CPQ: variants seen among roughly 807,000 people sequenced by gnomAD.
The protein encoded by CPQ is carboxypeptidase Q, also known as Ser-Met dipeptidase.
CPQ carries 37 observed loss-of-function variants against 45.7 expected under a neutral mutation model. The observed-to-expected ratio is 0.81, with a 90% CI of 0.62 to 1.07. The LOEUF (loss-of-function observed/expected upper bound fraction) is 1.07, where lower values mean the gene tolerates loss of function less well. CPQ is among the 50% of genes least tolerant of loss of function. The probability of loss-of-function intolerance (pLI) is 0.00; values close to 1 mark genes in which losing one functional copy is unlikely to be tolerated. For synonymous variants in CPQ, 186 were observed against 205.8 expected, an observed-to-expected ratio of 0.90 and a Z score of 0.82; for missense variants, 537 against 572.9, an observed-to-expected ratio of 0.94 and a Z score of 0.64.
At chr8:96,647,729 G>T (rs1815533749) in intron 1 of CPQ, among the ~76,000 whole-genome samples, 2 of 152,154 alleles carry the variant, frequency 1.3e-5, no homozygotes, top group African/African-American at 4.8e-5. Flanking sequence ...TAGGGGAGTT[G>T]GTTGTTTTAT....
At chr8:97,030,332 G>A (rs1032040792) in intron 6 of CPQ, among the ~76,000 whole-genome samples, 10 of 152,094 alleles carry the variant, frequency 6.6e-5, no homozygotes, top group Non-Finnish European at 1.3e-4. Context: ...AATCGGAGAA[G>A]GGTTTCTTTT....
intron 2 of CPQ, among the ~76,000 whole-genome samples, chr8:96,817,425 T>A (rs1216557523): frequency 6.6e-6 from 1 of 152,164 alleles, no homozygotes; most frequent in Non-Finnish European, 1.5e-5. Flanking sequence ...ACTTTTCTTT[T>A]GTAGCTTCCT....
chr8:96,949,939 T>C (rs1485879411), intron 4 of CPQ, among the ~76,000 whole-genome samples: 1 of 152,162 alleles, frequency 6.6e-6, no homozygotes, highest in Non-Finnish European at 1.5e-5. Flanking sequence ...AACATTTTTA[T>C]GTTTACTTTT....
intron 3 of CPQ, among the ~76,000 whole-genome samples, chr8:96,858,770 T>C (rs1165359909): frequency 6.6e-6 from 1 of 152,216 alleles, no homozygotes; most frequent in African/African-American, 2.4e-5. Context: ...TTGAATAATA[T>C]AGATAAATGT....
At chr8:97,073,076 T>C (rs1015553241) in intron 7 of CPQ, among the ~76,000 whole-genome samples, 2 of 152,338 alleles carry the variant, frequency 1.3e-5, no homozygotes, top group East Asian at 3.9e-4. Flanking sequence ...TCCTCTTTCA[T>C]TGCATATTGT....
chr8:97,003,185 T>A (rs1809314673), intron 5 of CPQ, among the ~76,000 whole-genome samples: 1 of 152,146 alleles, frequency 6.6e-6, no homozygotes, highest in African/African-American at 2.4e-5. Flanking sequence ...AAAGACAGCA[T>A]ACCAATAGGT....
intron 4 of CPQ, among the ~76,000 whole-genome samples, chr8:96,900,786 C>A (rs1812503521): frequency 6.6e-6 from 1 of 152,122 alleles, no homozygotes; most frequent in African/African-American, 2.4e-5. Flanking sequence ...CCATGAGGTC[C>A]TGACTGACAC....
At chr8:97,128,804 G>A (rs1169015808) in intron 7 of CPQ, among the ~76,000 whole-genome samples, 4 of 152,220 alleles carry the variant, frequency 2.6e-5, no homozygotes, top group Non-Finnish European at 5.9e-5. Context: ...GGAAAGTAGA[G>A]GTATTCAGAA....
At chr8:97,039,500 ATACTT>A (rs1446941435) in intron 6 of CPQ, among the ~76,000 whole-genome samples, 1 of 147,710 alleles carries the variant, frequency 6.8e-6, no homozygotes, top group Non-Finnish European at 1.5e-5. Flanking sequence ...TATTATTATT[ATACTT>A]TAAGTTTAGG....
intron 2 of CPQ, among the ~76,000 whole-genome samples, chr8:96,823,110 T>G (rs978170420): frequency 2.6e-5 from 4 of 151,952 alleles, no homozygotes; most frequent in Non-Finnish European, 5.9e-5. Flanking sequence ...GATAAAGACA[T>G]GCCACCCCCT....
At chr8:96,847,471 T>A (rs1393763136) in intron 3 of CPQ, among the ~76,000 whole-genome samples, 2 of 152,218 alleles carry the variant, frequency 1.3e-5, no homozygotes, top group Non-Finnish European at 2.9e-5. Flanking sequence ...CATCATTCTT[T>A]TTGATAAAGC....
At chr8:96,994,836 A>G (rs1809151777) in intron 5 of CPQ, among the ~76,000 whole-genome samples, 1 of 152,038 alleles carries the variant, frequency 6.6e-6, no homozygotes. Flanking sequence ...TAATAACATG[A>G]TAAAAATACT....
chr8:96,813,198 T>C (rs1295221220), intron 2 of CPQ, among the ~76,000 whole-genome samples: 4 of 152,132 alleles, frequency 2.6e-5, no homozygotes, highest in Admixed American at 1.3e-4. Context: ...GCCTCAACTC[T>C]AGCTCAACCA....
chr8:96,876,633 T>TA (rs1225718268), intron 3 of CPQ, among the ~76,000 whole-genome samples: 20 of 152,276 alleles, frequency 1.3e-4, no homozygotes, highest in African/African-American at 4.1e-4. Flanking sequence ...GATTTTATCA[T>TA]AAAAAAGTGC....
Position 96,965,986 on chromosome 8 carries a change from A to G in CPQ, c.901A>G (p.Met301Val). 1 of 1,614,088 alleles carries G rather than the reference A, an allele frequency of 6.2e-7. No individual in the cohort carries two copies. Among genetic ancestry groups the G allele is most frequent in the Non-Finnish European group, 8.5e-7 (1 of 1,179,988 alleles). Reference protein sequence around the residue: ...LDSWDVGQGAMDDGGGAFISW... With the variant: ...LDSWDVGQGAVDDGGGAFISW... ...CAGCTGGGATGTTGGGCAGGGTGCCATGGATGATGGCGGTGGAGCCTTTAT... is the reference window on the plus strand; with the variant it reads ...CAGCTGGGATGTTGGGCAGGGTGCCGTGGATGATGGCGGTGGAGCCTTTAT... Residue 301 changes from methionine (M) to valine (V), a missense_variant, in exon 5 of 8, where the codon ATG becomes GTG. Physicochemically the swap from Met to Val is conservative, Grantham distance 21 (BLOSUM62 1). Transcript: ENST00000220763.
At chr8:96,769,543 C>T (rs1001603469) in intron 1 of CPQ, among the ~76,000 whole-genome samples, 2 of 151,630 alleles carry the variant, frequency 1.3e-5, no homozygotes, top group African/African-American at 4.8e-5. Context: ...AGCTGTCTTA[C>T]ATCCTCTTTG....
Position 96,804,807 on chromosome 8 carries a change from C to CT in CPQ, c.433+19489dup, listed in dbSNP as rs530680263. 2.8e-3 allele frequency among the ~76,000 whole-genome samples: 404 copies of CT among 142,454 alleles called. 2 individuals carry two copies. The highest frequency in any genetic ancestry group is 7.8e-3 in the African/African-American group (306 of 39,006). The allele number at this position is 142,454 out of a possible 152,430, so 93.5% of individuals were successfully genotyped here. On this transcript the variant is annotated intron_variant, in intron 2 of 7. Coordinates refer to ENST00000220763, the MANE Select transcript of CPQ (RefSeq NM_016134.4). Reference sequence around the variant, plus strand: ...TAGTGACAAAAGTATTTACAAAAAGCTTTTTTTTTTTTAAGTTCACACTGC... The same window carrying CT: ...TAGTGACAAAAGTATTTACAAAAAGCTTTTTTTTTTTTTAAGTTCACACTGC...
At chr8:96,761,804 GT>G (rs1463547290) in intron 1 of CPQ, among the ~76,000 whole-genome samples, 2 of 152,220 alleles carry the variant, frequency 1.3e-5, no homozygotes, top group African/African-American at 4.8e-5. Flanking sequence ...TATTATAACT[GT>G]TACCTCCGCT....
chr8:96,845,895 C>T (rs570490935), intron 3 of CPQ, among the ~76,000 whole-genome samples: 1 of 152,334 alleles, frequency 6.6e-6, no homozygotes, highest in African/African-American at 2.4e-5. Flanking sequence ...TCTCGGCTCA[C>T]TGCAACCTCC....
Sources: gnomAD v4.1 joint callset for allele counts (sites outside exome capture counted in the v4.1 genomes callset) on GRCh38, gnomAD v4.1.1 for gene constraint, MANE v1.5 for transcripts, NCBI Gene and HGNC (gene_info 2026-07-23, HGNC 2026-07-21) for gene names.